Variants in PSMG2 observed in about 807,000 individuals in gnomAD.
The protein encoded by PSMG2 is proteasome assembly chaperone 2.
A neutral mutation model predicts 31.5 loss-of-function variants in PSMG2; 21 were observed. That is an observed-to-expected ratio of 0.67 (90% CI 0.47 to 0.96). The LOEUF (loss-of-function observed/expected upper bound fraction) is 0.96. Ranked by LOEUF, PSMG2 falls within the 40% of genes least tolerant of loss-of-function variation. The probability of loss-of-function intolerance (pLI) is 0.00; values close to 1 mark genes in which losing one functional copy is unlikely to be tolerated. For missense variants in PSMG2, 318 were observed against 321.2 expected, an observed-to-expected ratio of 0.99 and a Z score of 0.08; for synonymous variants, 120 against 110.4, an observed-to-expected ratio of 1.09 and a Z score of -0.54.
At chr18:12,705,545 A>AAGAGAG (rs142910283) in intron 1 of PSMG2, among the ~76,000 whole-genome samples, 15 of 137,874 alleles carry the variant, frequency 1.1e-4, no homozygotes, top group African/African-American at 4.1e-4. Context: ...TCATGGGAAA[A>AAGAGAG]AGAGAGAGAG....
intron 1 of PSMG2, among the ~76,000 whole-genome samples, chr18:12,673,695 C>A (rs549384161): frequency 6.6e-6 from 1 of 152,112 alleles, no homozygotes; most frequent in South Asian, 2.1e-4. Flanking sequence ...GCTTGGCCAA[C>A]ATAGTGAAAC....
At chr18:12,700,975 C>T, upstream of PSMG2, 1 of 1,613,242 alleles carries the variant, frequency 6.2e-7, no homozygotes, top group African/African-American at 1.3e-5. Context: ...AAATTAAGTT[C>T]TTTCATCACA....
At chr18:12,688,684 C>T (rs2039634350) in intron 1 of PSMG2, among the ~76,000 whole-genome samples, 2 of 152,218 alleles carry the variant, frequency 1.3e-5, no homozygotes, top group East Asian at 3.9e-4. Context: ...AATCACTAAC[C>T]ATTATGAGCT....
chr18:12,724,830 C>A, intron 6 of PSMG2: 1 of 467,936 alleles, frequency 2.1e-6, no homozygotes, highest in Non-Finnish European at 3.5e-6. Context: ...GCTGACTTTC[C>A]AAAAAGGAAA....
chr18:12,701,068 G>A (rs137960067), upstream of PSMG2: 11 of 1,613,328 alleles, frequency 6.8e-6, no homozygotes, highest in Non-Finnish European at 9.3e-6. Context: ...AATTCTTCCC[G>A]TATAGTCTCA....
chr18:12,671,637 ACTTTCT>A (rs760033877), intron 1 of PSMG2, among the ~76,000 whole-genome samples: 1 of 121,908 alleles, frequency 8.2e-6, no homozygotes, highest in Non-Finnish European at 1.7e-5. Flanking sequence ...CAGGTTTCAC[ACTTTCT>A]TTTTTTTTTT....
intron 1 of PSMG2, chr18:12,673,529 A>C (rs2039005476): frequency 6.6e-7 from 1 of 1,521,196 alleles, no homozygotes; most frequent in African/African-American, 1.4e-5. Flanking sequence ...AAAATTATTC[A>C]ATTAAGAAGT....
chr18:12,667,848 CTT>C (rs36019439), intron 1 of PSMG2, among the ~76,000 whole-genome samples: 3,081 of 116,686 alleles, frequency 0.026, 50 homozygotes, highest in African/African-American at 0.05. Context: ...CTTTCTGATC[CTT>C]TTTTTTTTTT....
chr18:12,664,296 C>A (rs763839381), intron 1 of PSMG2, among the ~76,000 whole-genome samples: 3 of 152,190 alleles, frequency 2.0e-5, no homozygotes, highest in Non-Finnish European at 4.4e-5. Flanking sequence ...ATAATCCCAG[C>A]ACTTTGAGAG....
intron 2 of PSMG2, among the ~76,000 whole-genome samples, chr18:12,707,102 C>A (rs1254649269): frequency 6.6e-6 from 1 of 152,116 alleles, no homozygotes; most frequent in Admixed American, 6.6e-5. Context: ...ACTACAGGTG[C>A]CTGCCACCGC....
upstream of PSMG2, chr18:12,703,018 G>T (rs976918691): frequency 1.0e-5 from 15 of 1,456,142 alleles, no homozygotes; most frequent in Non-Finnish European, 1.4e-5. Flanking sequence ...CGCGCCCCGC[G>T]AGGCTCCGGG....
In PSMG2 at chr18:12,661,404, A is replaced by T. The variant is rs552557332; in HGVS notation, c.-37+2631A>T. ...ACCACTCAAAGGCTACCAGCCATTG[A>T]TATCTTCTCAGTGGAGTTCTAGCAC... On this transcript the variant is annotated intron_variant, in intron 1 of 6. Transcript: ENST00000585331. 3 of 972,166 alleles carry T rather than the reference A, an allele frequency of 3.1e-6. No homozygotes were observed. In the South Asian group the frequency reaches 1.4e-4, roughly 46 times the overall value. 60.2% of individuals were successfully genotyped at this position (972,166 alleles called of 1,614,324 possible). A position where few individuals can be genotyped will look rare whatever the true frequency, so the allele number is the denominator to read the frequency against.
upstream of PSMG2, chr18:12,702,330 C>A (rs2040187328): frequency 1.7e-5 from 10 of 597,462 alleles, no homozygotes; most frequent in Admixed American, 3.5e-5. Context: ...CGCTCTCCTG[C>A]CTCAAACTCA....
chr18:12,714,372 T>C (rs2040357821), intron 3 of PSMG2, among the ~76,000 whole-genome samples: 1 of 152,206 alleles, frequency 6.6e-6, no homozygotes, highest in Admixed American at 6.6e-5. Flanking sequence ...TCTCAGTCTT[T>C]CCACTAGCTT....
At chr18:12,670,003 AAAAG>A (rs1010446916) in intron 1 of PSMG2, among the ~76,000 whole-genome samples, 4 of 148,672 alleles carry the variant, frequency 2.7e-5, no homozygotes, top group African/African-American at 7.8e-5. Flanking sequence ...CTCAAAAAAA[AAAAG>A]AAAAGAAAAA....
chr18:12,702,681 G>A, upstream of PSMG2: 2 of 1,010,408 alleles, frequency 2.0e-6, no homozygotes, highest in Non-Finnish European at 2.8e-6. Context: ...CGCAGCTCCC[G>A]GGGGACGCAA....
At chr18:12,670,837 G>C (rs1202433405) in intron 1 of PSMG2, 1 of 151,924 alleles carries the variant, frequency 6.6e-6, no homozygotes, top group Non-Finnish European at 1.5e-5. Flanking sequence ...TTTGTAGAGA[G>C]GGGTTCTTGC....
At chr18:12,691,851 G>A (rs981078888) in intron 1 of PSMG2, among the ~76,000 whole-genome samples, 2 of 151,856 alleles carry the variant, frequency 1.3e-5, no homozygotes, top group South Asian at 4.1e-4. Flanking sequence ...GAGTAGCTGG[G>A]ACTACAGGCA....
At chr18:12,701,072 A>G, upstream of PSMG2, 19 of 1,613,590 alleles carry the variant, frequency 1.2e-5, no homozygotes, top group Non-Finnish European at 1.6e-5. Context: ...CTTCCCGTAT[A>G]GTCTCAGCAA....
Sources: allele counts gnomAD v4.1 joint callset (sites outside exome capture counted in the v4.1 genomes callset), GRCh38; gene constraint gnomAD v4.1.1; transcripts MANE v1.5; gene names NCBI Gene and HGNC (gene_info 2026-07-23, HGNC 2026-07-21).